YPEL2: variants seen among roughly 807,000 people sequenced by gnomAD.
The protein encoded by YPEL2 is yippee like 2.
A neutral mutation model predicts 19.1 loss-of-function variants in YPEL2; 2 were observed. The ratio of observed to expected loss-of-function variants is 0.10; its 90% confidence interval spans 0.04 to 0.33. The LOEUF is 0.33. YPEL2 is among the 10% of genes least tolerant of loss of function. The probability of loss-of-function intolerance (pLI) is 1.00; values close to 1 mark genes in which losing one functional copy is unlikely to be tolerated. For synonymous variants in YPEL2, 52 were observed against 50.0 expected (o/e 1.04, Z -0.17); for missense variants, 66 against 140.7 (o/e 0.47, Z 2.68).
intron 3 of YPEL2, 162 bp from the exon 4 acceptor site, chr17:59,389,198 T>G (rs1261892628): frequency 1.7e-6 from 1 of 576,554 alleles, no homozygotes; most frequent in Non-Finnish European, 3.1e-6. Context: ...GCTGAGATAT[T>G]TCCCTGTGGC....
At position 59,397,461 on chromosome 17, in the gene YPEL2, C is replaced by T. The variant is rs895111746; in HGVS notation, c.*271C>T. 1.1e-5 allele frequency: 3 copies of T among 277,930 alleles called. No individual in the cohort carries two copies. The highest frequency in any genetic ancestry group is 2.0e-5 in the Non-Finnish European group (3 of 149,048). The allele number at this position is 277,930 out of a possible 1,614,324, so 17.2% of individuals were successfully genotyped here. A position where few individuals can be genotyped will look rare whatever the true frequency, so the allele number is the denominator to read the frequency against. ...AACAAAACAACAAAAGGAACAGATCCTTGACCGCATGGCGGCAGCCCACCT... is the reference window on the plus strand; with the variant it reads ...AACAAAACAACAAAAGGAACAGATCTTTGACCGCATGGCGGCAGCCCACCT... On this transcript the variant is annotated 3_prime_UTR_variant, in exon 5 of 5. Coordinates refer to ENST00000312655, the MANE Select transcript of YPEL2 (RefSeq NM_001005404.4).
At chr17:59,337,488 C>T (rs375741224) in intron 1 of YPEL2, among the ~76,000 whole-genome samples, 530 of 152,150 alleles carry the variant, frequency 3.5e-3, no homozygotes, top group Non-Finnish European at 5.4e-3. Flanking sequence ...CGCGCCCGGC[C>T]GGGAGAAATT....
At chr17:59,371,142 A>G (rs965449722) in intron 2 of YPEL2, among the ~76,000 whole-genome samples, 1 of 152,156 alleles carries the variant, frequency 6.6e-6, no homozygotes, top group Admixed American at 6.5e-5. Context: ...CCAAATACCC[A>G]GTCTCCTGTT....
chr17:59,384,140 A>C (rs1479303418), intron 2 of YPEL2, among the ~76,000 whole-genome samples: 1 of 152,200 alleles, frequency 6.6e-6, no homozygotes, highest in Non-Finnish European at 1.5e-5. Context: ...ACAAAAATTT[A>C]ACCATTCTAA....
At chr17:59,388,414 G>C (rs112521166) in intron 3 of YPEL2, 44 bp downstream of exon 3, 9 of 1,592,602 alleles carry the variant, frequency 5.7e-6, no homozygotes, top group Non-Finnish European at 7.8e-6. Flanking sequence ...GTACAGATTC[G>C]AGGGATGGGA....
chr17:59,388,233 C>A, intron 2 of YPEL2, 94 bp from the exon 3 acceptor site: 2 of 1,239,382 alleles, frequency 1.6e-6, no homozygotes, highest in Non-Finnish European at 2.4e-6. Flanking sequence ...TGTGTCAGTC[C>A]TGGAAGGTCA....
intron 2 of YPEL2, among the ~76,000 whole-genome samples, chr17:59,378,360 T>G (rs2047932669): frequency 6.6e-6 from 1 of 151,942 alleles, no homozygotes; most frequent in Non-Finnish European, 1.5e-5. Context: ...TTTTTTTTTT[T>G]TTGAGACAAG....
At chr17:59,375,250 A>T (rs1296584777) in intron 2 of YPEL2, among the ~76,000 whole-genome samples, 3 of 152,132 alleles carry the variant, frequency 2.0e-5, no homozygotes, top group Non-Finnish European at 4.4e-5. Flanking sequence ...GGATAAAGTC[A>T]TGTATGTATG....
At chr17:59,394,146 A>AC (rs1031682647) in intron 4 of YPEL2, among the ~76,000 whole-genome samples, 3 of 147,022 alleles carry the variant, frequency 2.0e-5, no homozygotes, top group African/African-American at 7.7e-5. Flanking sequence ...CGGGGGGCTG[A>AC]CCCCCCGACC....
intron 4 of YPEL2, among the ~76,000 whole-genome samples, chr17:59,393,716 T>C (rs1396309804): frequency 2.0e-5 from 3 of 148,366 alleles, no homozygotes; most frequent in Non-Finnish European, 3.0e-5. Context: ...GTGATGACTC[T>C]TAACGAGCAT....
intron 2 of YPEL2, chr17:59,366,145 A>G (rs1267575602): frequency 1.5e-5 from 2 of 130,850 alleles, no homozygotes; most frequent in Admixed American, 8.3e-5. Context: ...CAGATAAATG[A>G]GGAAACAGAA....
Position 59,396,618 on chromosome 17 carries a change from G to A in YPEL2, c.271-483G>A, listed in dbSNP as rs77939598. 5.5e-4 allele frequency among the ~76,000 whole-genome samples: 83 copies of A among 152,270 alleles called. No homozygotes were observed. The East Asian group carries it at 0.015, about 28-fold the overall frequency. On this transcript the variant is annotated intron_variant, in intron 4 of 4. Coordinates refer to ENST00000312655, the MANE Select transcript of YPEL2 (RefSeq NM_001005404.4). ...TGTTGCCTCAGTTCTGCAGCTAAGC[G>A]AGGGGGACATAAAGCGCTTGAGGGG...
intron 2 of YPEL2, among the ~76,000 whole-genome samples, chr17:59,357,303 C>T (rs775019907): frequency 6.6e-6 from 1 of 151,870 alleles, no homozygotes; most frequent in Non-Finnish European, 1.5e-5. Flanking sequence ...ACTTTGGAAC[C>T]TGAGGCACAA....
At chr17:59,350,083 C>G (rs1276793076) in intron 1 of YPEL2, among the ~76,000 whole-genome samples, 1 of 151,876 alleles carries the variant, frequency 6.6e-6, no homozygotes, top group African/African-American at 2.4e-5. Context: ...TTCCCTTTTT[C>G]TTTTCTTTTT....
At chr17:59,373,108 C>A (rs2047904643) in intron 2 of YPEL2, among the ~76,000 whole-genome samples, 1 of 152,138 alleles carries the variant, frequency 6.6e-6, no homozygotes. Context: ...ACCTCGTGAT[C>A]CACCTGCCTC....
At chr17:59,347,023 G>A (rs1030043023) in intron 1 of YPEL2, among the ~76,000 whole-genome samples, 1 of 152,192 alleles carries the variant, frequency 6.6e-6, no homozygotes, top group Non-Finnish European at 1.5e-5. Flanking sequence ...GGAGATGGAG[G>A]ATAAGGTATA....
At chr17:59,357,867 C>T (rs915611955) in intron 2 of YPEL2, among the ~76,000 whole-genome samples, 11 of 152,234 alleles carry the variant, frequency 7.2e-5, no homozygotes, top group Admixed American at 5.9e-4. Flanking sequence ...TGCCAACACA[C>T]GGTTGCTTTA....
In YPEL2 at chr17:59,401,084, C is replaced by T. The variant is rs1457775172; in HGVS notation, c.*3894C>T. The T allele has an allele frequency of 2.0e-5, 3 of 152,096 alleles. No individual in the cohort carries two copies. Among genetic ancestry groups the T allele is most frequent in the Non-Finnish European group, 2.9e-5 (2 of 67,994 alleles). 9.4% of individuals were successfully genotyped at this position (152,096 alleles called of 1,614,324 possible). On this transcript the variant is annotated 3_prime_UTR_variant, in exon 5 of 5. Transcript: ENST00000312655. The stretch of plus-strand genomic sequence containing the variant: ...GCAGGGCTCCAGCTGTTTTAGAAGC[C>T]ACATCATGTTAAACATTAACTGGTT...
intron 1 of YPEL2, among the ~76,000 whole-genome samples, chr17:59,336,543 CT>C: frequency 6.6e-6 from 1 of 152,294 alleles, no homozygotes; most frequent in Non-Finnish European, 1.5e-5. Context: ...TTCTCTAAAT[CT>C]TTGTTCCTTA....
Sources: allele counts gnomAD v4.1 joint callset (sites outside exome capture counted in the v4.1 genomes callset), GRCh38; gene constraint gnomAD v4.1.1; transcripts MANE v1.5; gene names NCBI Gene and HGNC (gene_info 2026-07-23, HGNC 2026-07-21).